The following SYNCRIP variants were observed in gnomAD, a reference collection of about 807,000 sequenced individuals.
SYNCRIP encodes the protein heterogeneous nuclear ribonucleoprotein Q.
Under a neutral mutation model 68.9 loss-of-function variants are expected in SYNCRIP, and 9 were observed. The ratio of observed to expected loss-of-function variants is 0.13; its 90% confidence interval spans 0.08 to 0.23. SYNCRIP has a LOEUF of 0.23. SYNCRIP is among the 10% of genes least tolerant of loss of function. SYNCRIP has a pLI of 1.00. For synonymous variants in SYNCRIP, 258 were observed against 254.0 expected, an observed-to-expected ratio of 1.02 and a Z score of -0.15; for missense variants, 414 against 770.6, an observed-to-expected ratio of 0.54 and a Z score of 5.48.
At chr6:85,616,630 G>A (rs1363051421) in intron 10 of SYNCRIP, among the ~76,000 whole-genome samples, 1 of 152,152 alleles carries the variant, frequency 6.6e-6, no homozygotes, top group Non-Finnish European at 1.5e-5. Flanking sequence ...TTACAGGCAT[G>A]AGCCACCACG....
chr6:85,619,009 T>C (rs1301431807), intron 9 of SYNCRIP, 70 bp from the exon 10 acceptor site: 1 of 1,451,220 alleles, frequency 6.9e-7, no homozygotes, highest in East Asian at 2.3e-5. Flanking sequence ...AAAGTTGGAA[T>C]ATCATTTATC....
chr6:85,626,104 T>TACCAG (rs1397079672), intron 6 of SYNCRIP, among the ~76,000 whole-genome samples: 1 of 152,252 alleles, frequency 6.6e-6, no homozygotes, highest in African/African-American at 2.4e-5. Flanking sequence ...CTTTCTCTTC[T>TACCAG]ACCAGACTAA....
intron 4 of SYNCRIP, 135 bp from the exon 5 acceptor site, chr6:85,637,491 C>CT (rs1357967025): frequency 1.7e-6 from 1 of 599,830 alleles, no homozygotes; most frequent in Non-Finnish European, 2.9e-6. Flanking sequence ...TTTGTGATGT[C>CT]TGTTTTAAAA....
intron 6 of SYNCRIP, among the ~76,000 whole-genome samples, chr6:85,630,002 T>G (rs891726593): frequency 6.6e-6 from 1 of 150,448 alleles, no homozygotes; most frequent in Admixed American, 6.6e-5. Flanking sequence ...AAAAGCTGTA[T>G]ACACATCATG....
intron 1 of SYNCRIP, among the ~76,000 whole-genome samples, chr6:85,641,832 T>C (rs1425557672): frequency 6.6e-6 from 1 of 152,096 alleles, no homozygotes; most frequent in Non-Finnish European, 1.5e-5. Flanking sequence ...ACCCCCAAAG[T>C]GCGCGCTTTT....
chr6:85,642,152 G>A (rs1809247395), intron 1 of SYNCRIP, among the ~76,000 whole-genome samples: 1 of 152,170 alleles, frequency 6.6e-6, no homozygotes, highest in African/African-American at 2.4e-5. Context: ...AGCTGCAGCA[G>A]CACAATCTCT....
intron 1 of SYNCRIP, 55 bp from the exon 2 acceptor site, chr6:85,641,506 C>G: frequency 2.6e-6 from 4 of 1,529,266 alleles, no homozygotes; most frequent in Non-Finnish European, 1.8e-6. Context: ...GAATACAAGA[C>G]AATATGAGAG....
intron 6 of SYNCRIP, among the ~76,000 whole-genome samples, chr6:85,635,034 A>T (rs1808284637): frequency 6.6e-6 from 1 of 152,160 alleles, no homozygotes; most frequent in Non-Finnish European, 1.5e-5. Context: ...GTGTGGTGGT[A>T]CGCGCCTATT....
intron 5 of SYNCRIP, 31 bp from the exon 6 acceptor site, chr6:85,637,174 G>C: frequency 6.2e-7 from 1 of 1,607,092 alleles, no homozygotes; most frequent in Non-Finnish European, 8.5e-7. Context: ...AAAAACCATG[G>C]AGAATTGCTT....
At chr6:85,627,303 AT>A (rs1260488502) in intron 6 of SYNCRIP, among the ~76,000 whole-genome samples, 1 of 151,970 alleles carries the variant, frequency 6.6e-6, no homozygotes, top group Admixed American at 6.6e-5. Context: ...GAACAATTGT[AT>A]TACAGGTAAC....
intron 4 of SYNCRIP, among the ~76,000 whole-genome samples, chr6:85,638,788 C>T (rs1044788088): frequency 3.9e-5 from 6 of 152,260 alleles, no homozygotes; most frequent in Non-Finnish European, 7.4e-5. Context: ...GATTTTTTAA[C>T]CTTAATAGTT....
At chr6:85,640,393 A>G in intron 3 of SYNCRIP, 53 bp downstream of exon 3, 1 of 1,579,866 alleles carries the variant, frequency 6.3e-7, no homozygotes, top group South Asian at 1.1e-5. Flanking sequence ...AATTCAGCAG[A>G]TAGTATCAAA....
chr6:85,614,916 T>C lies in SYNCRIP; in HGVS notation c.1712A>G (p.Asn571Ser). The C allele has an allele frequency of 6.2e-7, 1 of 1,614,194 alleles. No individual in the cohort carries two copies. The highest frequency in any genetic ancestry group is 1.1e-5 in the South Asian group (1 of 91,082). ...VGGKRKADGYNQPDSKRRQTN... is the reference protein window; with the variant it reads ...VGGKRKADGYSQPDSKRRQTN... ...CTGGCGCCGCTTGGAATCTGGCTGG[T>C]TGTACCCATCAGCTTTGCGCTTTCC... The change falls in exon 11 of 11, where the codon AAC (asparagine) becomes AGC (serine). Residue 571 changes from asparagine to serine, a missense_variant. Around this residue, in one of 6 missense-constraint regions of SYNCRIP, gnomAD observed 130 missense variants for 149.0 expected, o/e 0.87. Transcript: ENST00000369622.
chr6:85,613,676 G>A (rs1425173870), downstream of SYNCRIP, among the ~76,000 whole-genome samples: 1 of 152,166 alleles, frequency 6.6e-6, no homozygotes, highest in Non-Finnish European at 1.5e-5. Flanking sequence ...CTGTAAAGCT[G>A]TTTTATTTTT....
chr6:85,619,489 T>C, intron 8 of SYNCRIP, 72 bp from the exon 9 acceptor site: 3 of 1,356,704 alleles, frequency 2.2e-6, no homozygotes, highest in Non-Finnish European at 2.0e-6. Context: ...CACCCCACCC[T>C]ACAAAGTTAA....
intron 4 of SYNCRIP, 73 bp downstream of exon 4, chr6:85,640,148 C>A: frequency 5.0e-6 from 5 of 1,006,636 alleles, no homozygotes; most frequent in South Asian, 1.4e-5. Flanking sequence ...CATTTCATAC[C>A]CAAGGAATAT....
At chr6:85,625,191 A>G (rs1417010829) in intron 6 of SYNCRIP, among the ~76,000 whole-genome samples, 1 of 151,980 alleles carries the variant, frequency 6.6e-6, no homozygotes, top group African/African-American at 2.4e-5. Flanking sequence ...GTTCAGAAAA[A>G]TTTATTGCTT....
rs1284794750 is a variant in SYNCRIP at position 85,614,542 on chromosome 6, CTAAGAA to C, written c.*208_*213del. 5.5e-6 allele frequency: 7 copies of C among 1,271,212 alleles called. No individual in the cohort carries two copies. Among genetic ancestry groups the C allele is most frequent in the Middle Eastern group, 3.0e-4 (1 of 3,348 alleles). The allele number at this position is 1,271,212 out of a possible 1,614,324, so 78.7% of individuals were successfully genotyped here. ...ACTCATTAACTATTTCTTTCAGTATCTAAGAATATCTTTATTGAAAAAAATTAAAAA... is the reference window on the plus strand; with the variant it reads ...ACTCATTAACTATTTCTTTCAGTATCTATCTTTATTGAAAAAAATTAAAAA... On this transcript the variant is annotated 3_prime_UTR_variant, in exon 11 of 11. Coordinates refer to ENST00000369622, the MANE Select transcript of SYNCRIP (RefSeq NM_006372.5).
chr6:85,641,236 G>A (rs1809103823), intron 2 of SYNCRIP, 56 bp downstream of exon 2: 8 of 1,502,054 alleles, frequency 5.3e-6, no homozygotes, highest in African/African-American at 2.8e-5. Flanking sequence ...TTAGCTCAAA[G>A]CCAGAAATCC....
Sources: allele counts gnomAD v4.1 joint callset (sites outside exome capture counted in the v4.1 genomes callset), GRCh38; gene constraint gnomAD v4.1.1; regional missense constraint gnomAD v4.1.1; transcripts MANE v1.5; gene names NCBI Gene and HGNC (gene_info 2026-07-23, HGNC 2026-07-21).